Variants in NUP98 observed in about 807,000 individuals in gnomAD.
The protein encoded by NUP98 is nuclear pore complex protein Nup98-Nup96.
NUP98 carries 26 observed loss-of-function variants against 191.9 expected under a neutral mutation model. The observed-to-expected ratio is 0.14, with a 90% CI of 0.10 to 0.19. NUP98 has a LOEUF of 0.19. Ranked by LOEUF, NUP98 falls within the 10% of genes least tolerant of loss-of-function variation. The pLI is 1.00. For missense variants in NUP98, 1,941 were observed against 2,178.8 expected (o/e 0.89, Z 2.17); for synonymous variants, 808 against 778.4 (o/e 1.04, Z -0.63).
At position 3,676,362 on chromosome 11, in the gene NUP98, C is replaced by T. The variant is rs2077810983; in HGVS notation, c.5200G>A (p.Val1734Ile). 19 of 1,613,826 alleles carry T rather than the reference C, an allele frequency of 1.2e-5. No homozygotes were observed. Among genetic ancestry groups the T allele is most frequent in the South Asian group, 4.4e-5 (4 of 91,078 alleles). Residue 1734 changes from valine (V) to isoleucine (I), a missense_variant, in exon 33 of 33, where the codon GTA becomes ATA. Around this residue, in one of 6 missense-constraint regions of NUP98, gnomAD observed 1,030 missense variants for 1,115.8 expected, o/e 0.92. Coordinates refer to ENST00000324932, the MANE Select transcript of NUP98 (RefSeq NM_016320.5). ...AGCACCACGCGCAGCAGGTTGGCTA[C>T]ACGTTTGGCCATGTCTAGAGAGAAA... Reference protein sequence around the residue: ...RLAQSDMAKRVANLLRVVLSL... With the variant: ...RLAQSDMAKRIANLLRVVLSL...
Position 3,772,790 on chromosome 11 carries a change from G to C in NUP98, c.603+842C>G, listed in dbSNP as rs986588868. The stretch of plus-strand genomic sequence containing the variant: ...GATCACGCCACTGCACTCCAGCCTA[G>C]GCAACAGAGCAAGACTCGTCTCAAA... On this transcript the variant is annotated intron_variant, in intron 6 of 32. Coordinates refer to ENST00000324932, the MANE Select transcript of NUP98 (RefSeq NM_016320.5). Among the ~76,000 whole-genome samples, 4 of 149,028 alleles carry C rather than the reference G, an allele frequency of 2.7e-5. No homozygotes were observed. The South Asian group carries it at 6.4e-4, about 24-fold the overall frequency.
In NUP98 at chr11:3,764,647, C is replaced by T. The variant is rs181704090; in HGVS notation, c.949-1608G>A. Reference sequence around the variant, plus strand: ...AGGCTGGAGTGCAGTAGCACAATCTCGGCTCACCACAACCTCCGCCTCCCG... The same window carrying T: ...AGGCTGGAGTGCAGTAGCACAATCTTGGCTCACCACAACCTCCGCCTCCCG... On this transcript the variant is annotated intron_variant, in intron 8 of 32. Coordinates refer to ENST00000324932, the MANE Select transcript of NUP98 (RefSeq NM_016320.5). 7.2e-3 allele frequency among the ~76,000 whole-genome samples: 1,099 copies of T among 152,298 alleles called. 5 individuals carry two copies. The highest frequency in any genetic ancestry group is 0.011 in the Non-Finnish European group (750 of 68,030).
intron 26 of NUP98, among the ~76,000 whole-genome samples, chr11:3,694,142 T>C (rs2943419): frequency 0.17 from 25,202 of 148,564 alleles, 2,253 homozygotes; most frequent in East Asian, 0.27. Flanking sequence ...GAGGCCGAGG[T>C]GGGTGGATCA....
intron 4 of NUP98, among the ~76,000 whole-genome samples, chr11:3,778,572 A>T (rs2081836881): frequency 6.6e-6 from 1 of 152,194 alleles, no homozygotes; most frequent in Admixed American, 6.5e-5. Flanking sequence ...TCTTAACATG[A>T]ACTACACTAC....
chr11:3,687,161 T>C (rs1482327759), intron 28 of NUP98, among the ~76,000 whole-genome samples: 4 of 152,118 alleles, frequency 2.6e-5, no homozygotes, highest in Non-Finnish European at 4.4e-5. Flanking sequence ...CTTGAGCTCC[T>C]GGGTTCAAGT....
At position 3,760,681 on chromosome 11, in the gene NUP98, C is replaced by T. The variant is rs16929774; in HGVS notation, c.1087-55G>A. On this transcript the variant is annotated intron_variant, in intron 9 of 32. Transcript: ENST00000324932. ...AAATAATATTAAGACACACACCAAA[C>T]TAAATACAGGTTACCTCAGGTATAC... is the stretch of plus-strand genomic sequence containing the variant. 5.1e-3 allele frequency: 7,625 copies of T among 1,480,868 alleles called. 351 individuals carry two copies. The African/African-American group carries it at 0.093, about 18-fold the overall frequency. 91.7% of individuals were successfully genotyped at this position (1,480,868 alleles called of 1,614,324 possible).
intron 18 of NUP98, among the ~76,000 whole-genome samples, chr11:3,716,319 GTCT>G (rs1247843610): frequency 2.0e-5 from 3 of 151,602 alleles, no homozygotes; most frequent in Admixed American, 6.6e-5. Context: ...TGAAGAGACT[GTCT>G]TCTCCCGATC....
chr11:3,744,524 G>A lies in NUP98; in HGVS notation c.1393C>T (p.Pro465Ser), dbSNP rs775369623. The A allele has an allele frequency of 6.8e-6, 11 of 1,612,244 alleles. No homozygotes were observed. The highest frequency in any genetic ancestry group is 3.3e-4 in the Middle Eastern group (2 of 6,062). Residue 465 changes from proline to serine, a missense_variant, in exon 12 of 33, where the codon CCC becomes TCC. Physicochemically the swap from Pro to Ser is moderately conservative, Grantham distance 74. Around this residue, in one of 6 missense-constraint regions of NUP98, gnomAD observed 453 missense variants for 438.2 expected, o/e 1.03. Coordinates refer to ENST00000324932, the MANE Select transcript of NUP98 (RefSeq NM_016320.5). ...TTTATLGFGA[P>S]QAPVALTDPN... The stretch of plus-strand genomic sequence containing the variant: ...TGACACTTACCTACTGGGGCCTGGG[G>A]GGCTCCAAAGCCCAAAGTGGCTGTC...
chr11:3,690,291 G>T lies in NUP98; in HGVS notation c.4454+1056C>A, dbSNP rs1182264467. 3.4e-5 allele frequency among the ~76,000 whole-genome samples: 5 copies of T among 145,638 alleles called. No homozygotes were observed. The East Asian group carries it at 1.1e-3, about 31-fold the overall frequency. On this transcript the variant is annotated intron_variant, in intron 28 of 32. Coordinates refer to ENST00000324932, the MANE Select transcript of NUP98 (RefSeq NM_016320.5). The stretch of plus-strand genomic sequence containing the variant: ...TTTTTTATTTTTGAGACAGAGTCTT[G>T]CTGTGTCGCCCAGGCTGGAGTGCAG...
At chr11:3,757,928 T>C (rs2081032233) in intron 10 of NUP98, among the ~76,000 whole-genome samples, 1 of 152,130 alleles carries the variant, frequency 6.6e-6, no homozygotes. Context: ...ATATCACAGA[T>C]TATGATAGTT....
At chr11:3,710,483 T>C (rs1019733412) in intron 20 of NUP98, among the ~76,000 whole-genome samples, 1 of 152,084 alleles carries the variant, frequency 6.6e-6, no homozygotes, top group Non-Finnish European at 1.5e-5. Context: ...ATGGAACAAA[T>C]GTGACCATTA....
intron 23 of NUP98, 69 bp from the exon 24 acceptor site, chr11:3,700,908 C>A: frequency 2.0e-6 from 2 of 989,692 alleles, no homozygotes; most frequent in Non-Finnish European, 3.0e-6. Context: ...TTACTTCAAC[C>A]AAACCACTGT....
At chr11:3,730,222 G>A (rs539516524) in intron 14 of NUP98, among the ~76,000 whole-genome samples, 5 of 152,066 alleles carry the variant, frequency 3.3e-5, no homozygotes, top group African/African-American at 9.6e-5. Flanking sequence ...GTAACAGAGC[G>A]ACTGTATCAA....
intron 25 of NUP98, 117 bp from the exon 26 acceptor site, chr11:3,695,723 A>C: frequency 1.4e-6 from 1 of 720,806 alleles, no homozygotes. Flanking sequence ...TAACATTGTT[A>C]ACTGCTTTCT....
At chr11:3,746,894 G>A (rs184539851) in intron 11 of NUP98, among the ~76,000 whole-genome samples, 1 of 137,834 alleles carries the variant, frequency 7.3e-6, no homozygotes, top group Non-Finnish European at 1.5e-5. Context: ...GCCTGGGCAA[G>A]AAGAGCAAAA....
intron 1 of NUP98, among the ~76,000 whole-genome samples, chr11:3,787,446 G>T (rs532817261): frequency 6.6e-6 from 1 of 152,098 alleles, no homozygotes; most frequent in African/African-American, 2.4e-5. Context: ...AGCCAGAAGC[G>T]GTGGCGCATG....
At chr11:3,693,203 T>A in intron 27 of NUP98, 29 bp downstream of exon 27, 2 of 1,611,134 alleles carry the variant, frequency 1.2e-6, no homozygotes. Context: ...CCAGCAAGAT[T>A]TTTGCTTGGC....
In NUP98 at chr11:3,686,041, A is replaced by C. The variant is rs1390250969; in HGVS notation, c.4608T>G (p.Ala1536=). 1.2e-6 allele frequency: 2 copies of C among 1,614,094 alleles called. No individual in the cohort carries two copies. Among genetic ancestry groups the C allele is most frequent in the African/African-American group, 2.7e-5 (2 of 74,936 alleles). The change falls in exon 29 of 33, where the codon GCT becomes GCG. Residue 1536 remains alanine, a synonymous_variant. Coordinates refer to ENST00000324932, the MANE Select transcript of NUP98 (RefSeq NM_016320.5). ...QCEGVLQASY[A]GQLESEGLWE... ...AGAGCCCCTCACTTTCAAGCTGGCCAGCGTAACTGGCCTGTAGCACACCTT... is the reference window on the plus strand; with the variant it reads ...AGAGCCCCTCACTTTCAAGCTGGCCCGCGTAACTGGCCTGTAGCACACCTT...
At chr11:3,685,868 C>CG in intron 29 of NUP98, 105 bp downstream of exon 29, 1 of 840,576 alleles carries the variant, frequency 1.2e-6, no homozygotes, top group South Asian at 1.5e-5. Context: ...ATCTAACACA[C>CG]ATTCTACACA....
Sources: allele counts gnomAD v4.1 joint callset (sites outside exome capture counted in the v4.1 genomes callset), GRCh38; gene constraint gnomAD v4.1.1; regional missense constraint gnomAD v4.1.1; transcripts MANE v1.5; gene names NCBI Gene and HGNC (gene_info 2026-07-23, HGNC 2026-07-21).